KCTD7: variants seen among roughly 807,000 people sequenced by gnomAD.
KCTD7 encodes the protein potassium channel tetramerization domain containing 7, also known as BTB/POZ domain-containing protein KCTD7.
KCTD7 carries 15 observed loss-of-function variants against 27.0 expected under a neutral mutation model. That is an observed-to-expected ratio of 0.56 (90% CI 0.37 to 0.86). The LOEUF (loss-of-function observed/expected upper bound fraction) is 0.86, where lower values mean the gene tolerates loss of function less well. Among genes scored for constraint, KCTD7 ranks in the 40% least tolerant of loss-of-function variants. The pLI, the probability that KCTD7 is intolerant of heterozygous loss-of-function variation, is 0.00. For synonymous variants in KCTD7, 159 were observed against 162.7 expected (o/e 0.98, Z 0.17); for missense variants, 299 against 398.9 (o/e 0.75, Z 2.13).
rs1250764518 is a variant in KCTD7, at chr7:66,641,552, C to T, written c.*2320C>T. On this transcript the variant is annotated 3_prime_UTR_variant, in exon 4 of 4. Transcript: ENST00000639828. ...ATTACAGGGATGCTGGGTAAGAACA[C>T]CGTTCCTCTCTCTCGCTGGAGAAAT... 1.0e-6 allele frequency: 1 copy of T among 985,330 alleles called. No homozygotes were observed. The allele number at this position is 985,330 out of a possible 1,614,324, so 61.0% of individuals were successfully genotyped here. A position where few individuals can be genotyped will look rare whatever the true frequency, so the allele number is the denominator to read the frequency against.
intron 1 of KCTD7, among the ~76,000 whole-genome samples, chr7:66,632,243 T>A (rs983703757): frequency 1.3e-5 from 2 of 150,492 alleles, no homozygotes; most frequent in Non-Finnish European, 1.5e-5. Flanking sequence ...ATCCCAGCAC[T>A]TGGGGAGGCC....
At position 66,640,572 on chromosome 7, in the gene KCTD7, T is replaced by C; in HGVS notation, c.*1340T>C. 7.0e-7 allele frequency: 1 copy of C among 1,429,170 alleles called. No individual in the cohort carries two copies. The highest frequency in any genetic ancestry group is 9.1e-7 in the Non-Finnish European group (1 of 1,096,830). 88.5% of individuals were successfully genotyped at this position (1,429,170 alleles called of 1,614,324 possible). A position where few individuals can be genotyped will look rare whatever the true frequency, so the allele number is the denominator to read the frequency against. On this transcript the variant is annotated 3_prime_UTR_variant, in exon 4 of 4. Transcript: ENST00000639828. ...TAAGGGTGTCTCTCTCTAATCATGA[T>C]TGTACCTGTCTCTTCCTGGGTAAAG...
intron 2 of KCTD7, among the ~76,000 whole-genome samples, chr7:66,637,580 G>C (rs1786616687): frequency 6.6e-6 from 1 of 151,964 alleles, no homozygotes; most frequent in African/African-American, 2.4e-5. Flanking sequence ...TTATTTATTT[G>C]GTGGATACAT....
At position 66,641,325 on chromosome 7, in the gene KCTD7, A is replaced by G. The variant is rs1254835267; in HGVS notation, c.*2093A>G. On this transcript the variant is annotated 3_prime_UTR_variant, in exon 4 of 4. Transcript: ENST00000639828. The stretch of plus-strand genomic sequence containing the variant: ...TCATTTTTTGACAGAGAGGCAGACT[A>G]TTGAAAAAGTCTGTGTGAACAGAGA... 5.3e-5 allele frequency: 52 copies of G among 985,184 alleles called. No homozygotes were observed. The highest frequency in any genetic ancestry group is 6.3e-5 in the Non-Finnish European group (52 of 829,892). The allele number at this position is 985,184 out of a possible 1,614,324, so 61.0% of individuals were successfully genotyped here.
chr7:66,636,226 G>T (rs930001272), intron 2 of KCTD7, among the ~76,000 whole-genome samples: 34 of 151,952 alleles, frequency 2.2e-4, no homozygotes, highest in African/African-American at 7.7e-4. Flanking sequence ...TCAGTCTGGG[G>T]TCGTTCCCCA....
Position 66,640,524 on chromosome 7 carries a change from A to C in KCTD7, c.*1292A>C. The C allele has an allele frequency of 6.7e-7, 1 of 1,502,596 alleles. No homozygotes were observed. The highest frequency in any genetic ancestry group is 8.8e-7 in the Non-Finnish European group (1 of 1,130,072). The allele number at this position is 1,502,596 out of a possible 1,614,324, so 93.1% of individuals were successfully genotyped here. A position where few individuals can be genotyped will look rare whatever the true frequency, so the allele number is the denominator to read the frequency against. On this transcript the variant is annotated 3_prime_UTR_variant, in exon 4 of 4. Transcript: ENST00000639828. Reference sequence around the variant, plus strand: ...AGAACTGTGTAGCACCATTGATCACAATGTAACATTTCCATGCTGCATTAA... The same window carrying C: ...AGAACTGTGTAGCACCATTGATCACCATGTAACATTTCCATGCTGCATTAA...
At chr7:66,638,699 A>T in intron 3 of KCTD7, 157 bp from the exon 4 acceptor site, 1 of 912,132 alleles carries the variant, frequency 1.1e-6, no homozygotes, top group Non-Finnish European at 1.7e-6. Context: ...ACCCTTGTTT[A>T]AGTTTGTGCC....
In KCTD7 at chr7:66,639,101, T is replaced by C; in HGVS notation, c.739T>C (p.Cys247Arg). 1 of 1,614,176 alleles carries C rather than the reference T, an allele frequency of 6.2e-7. No individual in the cohort carries two copies. The highest frequency in any genetic ancestry group is 8.5e-7 in the Non-Finnish European group (1 of 1,180,026). The change falls in exon 4 of 4, where the codon TGC becomes CGC. Residue 247 changes from cysteine (C) to arginine (R), a missense_variant. Physicochemically the swap from Cys to Arg is radical, Grantham distance 180. Coordinates refer to ENST00000639828, the MANE Select transcript of KCTD7 (RefSeq NM_153033.5). The stretch of plus-strand genomic sequence containing the variant: ...GGCTGATGTTTATGACCTGCTGCAC[T>C]GCCTGGTCACGGACCTCTCGGCCCA... ...AVADVYDLLHCLVTDLSAQGL... is the reference protein window; with the variant it reads ...AVADVYDLLHRLVTDLSAQGL...
chr7:66,634,072 A>G (rs1207254951), intron 2 of KCTD7, among the ~76,000 whole-genome samples: 2 of 145,360 alleles, frequency 1.4e-5, no homozygotes, highest in African/African-American at 2.5e-5. Context: ...GTACACATAC[A>G]TGCACACATA....
At chr7:66,638,685 C>A in intron 3 of KCTD7, 171 bp from the exon 4 acceptor site, 1 of 852,606 alleles carries the variant, frequency 1.2e-6, no homozygotes, top group Non-Finnish European at 1.8e-6. Context: ...TGTGGAGAAC[C>A]GTGACCCTTG....
chr7:66,634,253 G>T (rs1786533825), intron 2 of KCTD7, among the ~76,000 whole-genome samples: 1 of 149,928 alleles, frequency 6.7e-6, no homozygotes, highest in Non-Finnish European at 1.5e-5. Flanking sequence ...GGATCTTGCT[G>T]TGTTGCCCAG....
Position 66,639,724 on chromosome 7 carries a change from A to ATCT in KCTD7, c.*492_*493insTCT. 1 of 1,248,446 alleles carries ATCT rather than the reference A, an allele frequency of 8.0e-7. No homozygotes were observed. The highest frequency in any genetic ancestry group is 3.7e-5 in the South Asian group (1 of 26,968). The allele number at this position is 1,248,446 out of a possible 1,614,324, so 77.3% of individuals were successfully genotyped here. On this transcript the variant is annotated 3_prime_UTR_variant, in exon 4 of 4. Coordinates refer to ENST00000639828, the MANE Select transcript of KCTD7 (RefSeq NM_153033.5). ...GCCACCCCATAGCCCCTGGCTGAAG[A>ATCT]AGAAAGAGCATCTTCTCTCCCACTG...
In KCTD7 at chr7:66,633,445, G is replaced by A. The variant is rs1554397834; in HGVS notation, c.314+1G>A. On this transcript the variant is annotated splice_donor_variant, in intron 2 of 3. Coordinates refer to ENST00000639828, the MANE Select transcript of KCTD7 (RefSeq NM_153033.5). LOFTEE classifies it high-confidence loss of function. ...TCGACCGAGATGGCACACACTTTGG[G>A]TATGTCTCTCCCTCTACAATCAACT... 6.2e-7 allele frequency: 1 copy of A among 1,614,118 alleles called. No individual in the cohort carries two copies. The highest frequency in any genetic ancestry group is 8.5e-7 in the Non-Finnish European group (1 of 1,180,014).
Position 66,641,090 on chromosome 7 carries a change from G to C in KCTD7, c.*1858G>C, listed in dbSNP as rs961941544. The C allele has an allele frequency of 1.0e-6, 1 of 985,388 alleles. No homozygotes were observed. Among genetic ancestry groups the C allele is most frequent in the Non-Finnish European group, 1.2e-6 (1 of 829,924 alleles). 61.0% of individuals were successfully genotyped at this position (985,388 alleles called of 1,614,324 possible). On this transcript the variant is annotated 3_prime_UTR_variant, in exon 4 of 4. Transcript: ENST00000639828. ...CTCTTTTAGAGGTGGAAAAGAGGTG[G>C]ATACTGAGATCTAAGAGGAAAGGAT...
At position 66,638,361 on chromosome 7, in the gene KCTD7, G is replaced by A; in HGVS notation, c.423G>A (p.Leu141=). 1.2e-6 allele frequency: 2 copies of A among 1,614,242 alleles called. No individual in the cohort carries two copies. Among genetic ancestry groups the A allele is most frequent in the Non-Finnish European group, 1.7e-6 (2 of 1,180,052 alleles). Residue 141 remains leucine, a synonymous_variant, in exon 3 of 4, where the codon CTG becomes CTA. Coordinates refer to ENST00000639828, the MANE Select transcript of KCTD7 (RefSeq NM_153033.5). ...YYAIGPLLEQ[L]ENMQPLKGEK... ...CCATCGGGCCCCTCCTGGAGCAGCT[G>A]GAGAACATGCAGCCACTGAAGGGCG...
chr7:66,640,805 T>A lies in KCTD7; in HGVS notation c.*1573T>A, dbSNP rs1251345632. 5.1e-6 allele frequency: 5 copies of A among 979,946 alleles called. No homozygotes were observed. The highest frequency in any genetic ancestry group is 1.7e-5 in the African/African-American group (1 of 57,446). 60.7% of individuals were successfully genotyped at this position (979,946 alleles called of 1,614,324 possible). Reference sequence around the variant, plus strand: ...TGATCGTGCCTGTGGCTAGCCACTGTGCTCCAGCCTGGGCAACACCATCGT... The same window carrying A: ...TGATCGTGCCTGTGGCTAGCCACTGAGCTCCAGCCTGGGCAACACCATCGT... On this transcript the variant is annotated 3_prime_UTR_variant, in exon 4 of 4. Coordinates refer to ENST00000639828, the MANE Select transcript of KCTD7 (RefSeq NM_153033.5).
Position 66,642,896 on chromosome 7 carries a change from A to C in KCTD7, c.*3664A>C. 1.0e-6 allele frequency: 1 copy of C among 985,370 alleles called. No individual in the cohort carries two copies. The allele number at this position is 985,370 out of a possible 1,614,324, so 61.0% of individuals were successfully genotyped here. ...AACAGGCAGTCACCTCGAGTGTGGG[A>C]GGTCACCTGGGTCCGTCGTCTTCCT... On this transcript the variant is annotated 3_prime_UTR_variant, in exon 4 of 4. Coordinates refer to ENST00000639828, the MANE Select transcript of KCTD7 (RefSeq NM_153033.5).
intron 1 of KCTD7, among the ~76,000 whole-genome samples, chr7:66,631,119 C>G (rs1786432107): frequency 6.6e-6 from 1 of 152,138 alleles, no homozygotes; most frequent in African/African-American, 2.4e-5. Flanking sequence ...CTGTCTATTT[C>G]TTTCATTCAT....
In KCTD7 at chr7:66,640,039, C is replaced by T. The variant is rs1786678801; in HGVS notation, c.*807C>T. On this transcript the variant is annotated 3_prime_UTR_variant, in exon 4 of 4. Coordinates refer to ENST00000639828, the MANE Select transcript of KCTD7 (RefSeq NM_153033.5). ...TCCCCAAGTCAAGCAGGCAAGATGCCTAGATCTTCTGTTATCTTTGACATG... is the reference window on the plus strand; with the variant it reads ...TCCCCAAGTCAAGCAGGCAAGATGCTTAGATCTTCTGTTATCTTTGACATG... The T allele has an allele frequency of 7.9e-7, 1 of 1,266,806 alleles. No homozygotes were observed. Among genetic ancestry groups the T allele is most frequent in the South Asian group, 3.4e-5 (1 of 29,018 alleles). The allele number at this position is 1,266,806 out of a possible 1,614,324, so 78.5% of individuals were successfully genotyped here.
Sources: gnomAD v4.1 joint callset for allele counts (sites outside exome capture counted in the v4.1 genomes callset) on GRCh38, gnomAD v4.1.1 for gene constraint, MANE v1.5 for transcripts, NCBI Gene and HGNC (gene_info 2026-07-23, HGNC 2026-07-21) for gene names.